THSD7A: variants seen among roughly 807,000 people sequenced by gnomAD.
The protein encoded by THSD7A is thrombospondin type-1 domain-containing protein 7A.
A neutral mutation model predicts 231.3 loss-of-function variants in THSD7A; 96 were observed. The ratio of observed to expected loss-of-function variants is 0.41; its 90% CI spans 0.35 to 0.49. The LOEUF is 0.49. Among genes scored for constraint, THSD7A ranks in the 20% least tolerant of loss-of-function variants. The pLI is 0.05. For synonymous variants in THSD7A, 940 were observed against 743.3 expected (o/e 1.26, Z -4.30); for missense variants, 2,290 against 2,070.2 (o/e 1.11, Z -2.06).
intron 1 of THSD7A, among the ~76,000 whole-genome samples, chr7:11,656,284 G>A (rs1183570604): frequency 1.3e-5 from 2 of 151,846 alleles, no homozygotes; most frequent in African/African-American, 2.4e-5. Flanking sequence ...GGAAACAAAT[G>A]AAAATTATTT....
chr7:11,378,845 A>T (rs919872749), intron 26 of THSD7A: 7 of 523,394 alleles, frequency 1.3e-5, no homozygotes, highest in African/African-American at 7.6e-5. Context: ...TTGATCCAAA[A>T]TTTTTTCTCA....
chr7:11,505,377 T>C (rs541425988), intron 6 of THSD7A, among the ~76,000 whole-genome samples: 1 of 152,150 alleles, frequency 6.6e-6, no homozygotes, highest in South Asian at 2.1e-4. Context: ...AAAATACTGA[T>C]GATTTCAGTA....
At position 11,447,214 on chromosome 7, in the gene THSD7A, T is replaced by C. The variant is rs749032890; in HGVS notation, c.2800+16A>G. ...ACTTTGACGTGTACTGGCTTTGGCATCCCAATTATTCTTACCAACAAGAGT... is the reference window on the plus strand; with the variant it reads ...ACTTTGACGTGTACTGGCTTTGGCACCCCAATTATTCTTACCAACAAGAGT... On this transcript the variant is annotated intron_variant, in intron 12 of 27. Transcript: ENST00000423059. The C allele has an allele frequency of 3.1e-6, 5 of 1,612,094 alleles. No homozygotes were observed. The highest frequency in any genetic ancestry group is 1.1e-5 in the South Asian group (1 of 90,962).
intron 23 of THSD7A, among the ~76,000 whole-genome samples, chr7:11,386,528 A>G (rs763431910): frequency 2.6e-5 from 4 of 152,010 alleles, no homozygotes; most frequent in Non-Finnish European, 5.9e-5. Context: ...AGAAGTGCTC[A>G]TTCATATTCT....
In THSD7A at chr7:11,590,655, A is replaced by G. The variant is rs371368351; in HGVS notation, c.1272-14T>C. On this transcript the variant is annotated splice_polypyrimidine_tract_variant and intron_variant, in intron 3 of 27. Coordinates refer to ENST00000423059, the MANE Select transcript of THSD7A (RefSeq NM_015204.3). This position sits in a 1 kb window ranked among gnomAD's most constrained non-coding sequence, Gnocchi z 4.4. ...CTCCAGCCATACCTAAATAAAGACA[A>G]CACCACCAGCAGCAACCATAATTAT... 3 of 1,587,898 alleles carry G rather than the reference A, an allele frequency of 1.9e-6. No individual in the cohort carries two copies. The East Asian group carries it at 6.8e-5, about 36-fold the overall frequency.
chr7:11,714,049 A>T (rs560962075), intron 1 of THSD7A, among the ~76,000 whole-genome samples: 3 of 151,368 alleles, frequency 2.0e-5, no homozygotes, highest in African/African-American at 7.2e-5. Flanking sequence ...ATGTGTCTGT[A>T]CATTGGGTCA....
chr7:11,387,365 A>G (rs7384966), intron 23 of THSD7A, among the ~76,000 whole-genome samples: 15,272 of 151,846 alleles, frequency 0.1, 2,005 homozygotes, highest in African/African-American at 0.3. Flanking sequence ...TTTTCCATTT[A>G]TTTGTGTCCT....
chr7:11,710,089 TA>T (rs932796782), intron 1 of THSD7A, among the ~76,000 whole-genome samples: 1 of 150,734 alleles, frequency 6.6e-6, no homozygotes, highest in East Asian at 2.0e-4. Context: ...GAATAAATGC[TA>T]TTTTTTTTTA....
chr7:11,547,304 T>G (rs1789440921), intron 4 of THSD7A, among the ~76,000 whole-genome samples: 1 of 152,178 alleles, frequency 6.6e-6, no homozygotes. Flanking sequence ...CATATCAATA[T>G]TAACCTTGAA....
chr7:11,402,562 A>G (rs1783442873), intron 22 of THSD7A, among the ~76,000 whole-genome samples: 1 of 152,208 alleles, frequency 6.6e-6, no homozygotes, highest in Non-Finnish European at 1.5e-5. Flanking sequence ...TGATTTATTG[A>G]AGGATAACAA....
At chr7:11,803,560 A>T (rs1310236271) in intron 1 of THSD7A, among the ~76,000 whole-genome samples, 1 of 152,158 alleles carries the variant, frequency 6.6e-6, no homozygotes, top group Non-Finnish European at 1.5e-5. Flanking sequence ...TGTCTGCTTA[A>T]ATATCAGCAT....
intron 9 of THSD7A, among the ~76,000 whole-genome samples, chr7:11,462,893 C>A (rs1291975498): frequency 6.6e-6 from 1 of 152,090 alleles, no homozygotes; most frequent in East Asian, 1.9e-4. Context: ...ATTCAAAAAT[C>A]TTTTAGTATA....
chr7:11,659,723 G>T (rs1014417179), intron 1 of THSD7A, among the ~76,000 whole-genome samples: 2 of 151,460 alleles, frequency 1.3e-5, no homozygotes, highest in African/African-American at 4.8e-5. Context: ...GTTAATGAAT[G>T]AGTTAAATGA....
At chr7:11,807,065 T>C (rs1471633748) in intron 1 of THSD7A, among the ~76,000 whole-genome samples, 1 of 152,176 alleles carries the variant, frequency 6.6e-6, no homozygotes, top group African/African-American at 2.4e-5. Flanking sequence ...GGTGTTGACA[T>C]TATGACATGG....
At chr7:11,761,004 G>A (rs1015125924) in intron 1 of THSD7A, among the ~76,000 whole-genome samples, 2 of 147,660 alleles carry the variant, frequency 1.4e-5, no homozygotes, top group Non-Finnish European at 1.5e-5. Context: ...TTTATAAATC[G>A]AATACAAACA....
intron 13 of THSD7A, among the ~76,000 whole-genome samples, chr7:11,436,828 T>TA (rs1784649063): frequency 1.3e-5 from 2 of 151,958 alleles, no homozygotes; most frequent in Non-Finnish European, 2.9e-5. Context: ...AAACTAGCAA[T>TA]AAATTAATTT....
chr7:11,737,972 C>A (rs992213012), intron 1 of THSD7A, among the ~76,000 whole-genome samples: 1 of 151,968 alleles, frequency 6.6e-6, no homozygotes, highest in Non-Finnish European at 1.5e-5. Context: ...AACTGCATGA[C>A]TCTCTCATTA....
chr7:11,500,953 A>G (rs1787309604), intron 6 of THSD7A, among the ~76,000 whole-genome samples: 1 of 151,584 alleles, frequency 6.6e-6, no homozygotes, highest in Non-Finnish European at 1.5e-5. Context: ...AAGAAAAAAA[A>G]AAAGAAAAAA....
At chr7:11,640,127 T>A (rs910229732) in intron 1 of THSD7A, among the ~76,000 whole-genome samples, 3 of 152,222 alleles carry the variant, frequency 2.0e-5, no homozygotes, top group Non-Finnish European at 4.4e-5. Context: ...GTTAGTAGAA[T>A]CAGTAATTTT....
Sources: gnomAD v4.1 joint callset for allele counts (sites outside exome capture counted in the v4.1 genomes callset) on GRCh38, gnomAD v4.1.1 for gene constraint, Gnocchi (gnomAD v3.1) non-coding constraint, MANE v1.5 for transcripts, NCBI Gene and HGNC (gene_info 2026-07-23, HGNC 2026-07-21) for gene names.